The following FBN3 variants were observed in gnomAD, a reference collection of about 807,000 sequenced individuals.
The protein encoded by FBN3 is fibrillin 3, also known as fibrillin-3.
A neutral mutation model predicts 330.1 loss-of-function variants in FBN3; 234 were observed. That is an observed-to-expected ratio of 0.71 (90% confidence interval 0.64 to 0.79). The LOEUF is 0.79. Among genes scored for constraint, FBN3 ranks in the 30% least tolerant of loss-of-function variants. FBN3 has a pLI of 0.00. For synonymous variants in FBN3, 1,458 were observed against 1,517.3 expected (o/e 0.96, Z 0.91); for missense variants, 3,606 against 3,886.9 (o/e 0.93, Z 1.92).
chr19:8,099,276 A>ATTTTTTTTTTTTT (rs386388494), intron 41 of FBN3, among the ~76,000 whole-genome samples: 2 of 98,880 alleles, frequency 2.0e-5, no homozygotes, highest in African/African-American at 7.6e-5. Context: ...TCATGGTTTG[A>ATTTTTTTTTTTTT]TTTTTTTTTT....
chr19:8,126,237 G>A (rs778344723), intron 21 of FBN3, 60 bp downstream of exon 21: 17 of 1,536,498 alleles, frequency 1.1e-5, no homozygotes, highest in Non-Finnish European at 1.5e-5. Context: ...TGAGGGTGGT[G>A]CGCCTGGTTG....
At chr19:8,070,707 T>A (rs1312525704) in intron 63 of FBN3, among the ~76,000 whole-genome samples, 2 of 152,146 alleles carry the variant, frequency 1.3e-5, no homozygotes, top group African/African-American at 4.8e-5. Flanking sequence ...CCTCAGTTCC[T>A]CCATCTGTAA....
Position 8,103,625 on chromosome 19 carries a change from C to T in FBN3, c.4876G>A (p.Gly1626Arg), listed in dbSNP as rs1207987065. The T allele has an allele frequency of 6.2e-7, 1 of 1,613,512 alleles. No individual in the cohort carries two copies. Among genetic ancestry groups the T allele is most frequent in the Non-Finnish European group, 8.5e-7 (1 of 1,179,738 alleles). Residue 1626 changes from glycine (G) to arginine (R), a missense_variant, in exon 39 of 64, where the codon GGG (glycine) becomes AGG (arginine). Gly to Arg is a moderately radical substitution (Grantham distance 125). Transcript: ENST00000600128. ...CGPGTCYNTL[G>R]NYTCVCPAEY... Reference sequence around the variant, plus strand: ...GCAGGGCAGACACAGGTGTAGTTCCCCAGGGTGTTGTAGCAGGTGCCAGGG... The same window carrying T: ...GCAGGGCAGACACAGGTGTAGTTCCTCAGGGTGTTGTAGCAGGTGCCAGGG...
chr19:8,117,618 C>T, intron 26 of FBN3, 29 bp from the exon 27 acceptor site: 1 of 1,504,678 alleles, frequency 6.6e-7, no homozygotes, highest in East Asian at 2.5e-5. Context: ...GAAAGACGGG[C>T]CTGTGCCCCA....
chr19:8,074,849 A>T, intron 61 of FBN3: 1 of 522,960 alleles, frequency 1.9e-6, no homozygotes, highest in Non-Finnish European at 3.3e-6. Flanking sequence ...TGAGTCCTCC[A>T]GGCCACCATG....
intron 63 of FBN3, among the ~76,000 whole-genome samples, chr19:8,068,390 C>CA (rs71165268): frequency 0.29 from 39,600 of 137,096 alleles, 6,547 homozygotes; most frequent in East Asian, 0.5. Context: ...GACTCCGTCT[C>CA]AAAAAAAAAA....
intron 29 of FBN3, among the ~76,000 whole-genome samples, chr19:8,115,861 C>T (rs1404716262): frequency 6.6e-6 from 1 of 151,670 alleles, no homozygotes; most frequent in African/African-American, 2.4e-5. Context: ...GTGTACATTC[C>T]AAGGAACACA....
chr19:8,138,609 G>A lies in FBN3; in HGVS notation c.866-45C>T, dbSNP rs375707683. The A allele has an allele frequency of 1.0e-5, 16 of 1,534,674 alleles. No individual in the cohort carries two copies. In the African/African-American group the frequency reaches 1.8e-4, roughly 17 times the overall value. On this transcript the variant is annotated intron_variant, in intron 8 of 63. Transcript: ENST00000600128. The stretch of plus-strand genomic sequence containing the variant: ...GAGCCCATGAGCACAGGACATCAGT[G>A]ACCAGACCTGGATCCAAATTCCAGC...
intron 6 of FBN3, among the ~76,000 whole-genome samples, chr19:8,143,208 C>T (rs1369700726): frequency 6.6e-6 from 1 of 152,146 alleles, no homozygotes; most frequent in Non-Finnish European, 1.5e-5. Flanking sequence ...CACGGGGATC[C>T]TCAGCGGCAC....
intron 10 of FBN3, among the ~76,000 whole-genome samples, chr19:8,137,915 G>T (rs183719238): frequency 5.9e-5 from 9 of 152,060 alleles, no homozygotes; most frequent in African/African-American, 2.2e-4. Flanking sequence ...GGCATGAGTC[G>T]CTGTGTCCAG....
chr19:8,143,627 A>C (rs1330472437), intron 6 of FBN3, among the ~76,000 whole-genome samples: 1 of 150,760 alleles, frequency 6.6e-6, no homozygotes. Flanking sequence ...AGCTGGGACT[A>C]CAGGCACGCG....
In FBN3 at chr19:8,111,122, G is replaced by A. The variant is rs760898849; in HGVS notation, c.4146C>T (p.Pro1382=). 45 of 1,613,292 alleles carry A rather than the reference G, an allele frequency of 2.8e-5. No homozygotes were observed. Among genetic ancestry groups the A allele is most frequent in the East Asian group, 1.6e-4 (7 of 44,870 alleles). The change falls in exon 33 of 64, where the codon CCC becomes CCT. Residue 1382 remains proline (P), a synonymous_variant. Transcript: ENST00000600128. ...LCDNGQCLNA[P]GGYRCECEMG... Reference sequence around the variant, plus strand: ...TCTCACATTCACAGCGGTACCCGCCGGGCGCATTGAGGCACTGCCCGTTGT... The same window carrying A: ...TCTCACATTCACAGCGGTACCCGCCAGGCGCATTGAGGCACTGCCCGTTGT...
chr19:8,095,088 C>G (rs1458241819), intron 46 of FBN3, among the ~76,000 whole-genome samples: 3 of 152,264 alleles, frequency 2.0e-5, no homozygotes, highest in Middle Eastern at 3.4e-3. Flanking sequence ...TCTCCTGCCC[C>G]AGCCTCCTGA....
At position 8,141,829 on chromosome 19, in the gene FBN3, G is replaced by T. The variant is rs1237962797; in HGVS notation, c.753C>A (p.Cys251Ter). 1 of 1,614,176 alleles carries T rather than the reference G, an allele frequency of 6.2e-7. No homozygotes were observed. Among genetic ancestry groups the T allele is most frequent in the South Asian group, 1.1e-5 (1 of 91,078 alleles). Residue 251 changes from cysteine to a stop codon, truncating the protein, a stop_gained, in exon 8 of 64, where the codon TGC (cysteine) becomes TGA (stop). Transcript: ENST00000600128. LOFTEE classifies it high-confidence loss of function. ...HTGACQDVDE[C>*]QAVPGLCQGG... is the part of the protein sequence containing the mutation. Reference sequence around the variant, plus strand: ...CCTGGCACAGGCCTGGCACAGCCTGGCACTCATCCACATCTGCAAGGACAA... The same window carrying T: ...CCTGGCACAGGCCTGGCACAGCCTGTCACTCATCCACATCTGCAAGGACAA...
intron 38 of FBN3, 90 bp from the exon 39 acceptor site, chr19:8,103,777 T>A (rs761034624): frequency 9.0e-5 from 116 of 1,294,568 alleles, no homozygotes; most frequent in Admixed American, 2.7e-4. Flanking sequence ...CAAGGCCACT[T>A]CACCAGGGAC....
At chr19:8,138,025 C>T in intron 10 of FBN3, 116 bp downstream of exon 10, 2 of 1,234,692 alleles carry the variant, frequency 1.6e-6, no homozygotes, top group South Asian at 1.6e-5. Context: ...GTTCCCCCTC[C>T]AAAGCCCTAA....
chr19:8,077,963 G>T (rs1441571149), intron 59 of FBN3, among the ~76,000 whole-genome samples: 2 of 109,580 alleles, frequency 1.8e-5, no homozygotes, highest in Non-Finnish European at 3.6e-5. Context: ...TGTAGTCCTA[G>T]CTACTTGGGA....
chr19:8,141,840 C>T lies in FBN3; in HGVS notation c.742G>A (p.Val248Met). Reference sequence around the variant, plus strand: ...CCTGGCACAGCCTGGCACTCATCCACATCTGCAAGGACAAAGCCCGGCAGG... The same window carrying T: ...CCTGGCACAGCCTGGCACTCATCCATATCTGCAAGGACAAAGCCCGGCAGG... ...PNIHTGACQD[V>M]DECQAVPGLC... The change falls in exon 8 of 64, where the codon GTG (valine) becomes ATG (methionine). Residue 248 changes from valine (V) to methionine (M), a missense_variant and splice_region_variant. Physicochemically the swap from Val to Met is conservative, Grantham distance 21 (BLOSUM62 1). Coordinates refer to ENST00000600128, the MANE Select transcript of FBN3 (RefSeq NM_032447.5). 2 of 1,614,146 alleles carry T rather than the reference C, an allele frequency of 1.2e-6. No individual in the cohort carries two copies. The highest frequency in any genetic ancestry group is 1.7e-6 in the Non-Finnish European group (2 of 1,179,972).
intron 63 of FBN3, among the ~76,000 whole-genome samples, chr19:8,070,746 G>A (rs967148061): frequency 6.6e-6 from 1 of 152,100 alleles, no homozygotes; most frequent in African/African-American, 2.4e-5. Flanking sequence ...ATCTAGGCTG[G>A]GTGCAGTGCT....
Sources: gnomAD v4.1 joint callset for allele counts (sites outside exome capture counted in the v4.1 genomes callset) on GRCh38, gnomAD v4.1.1 for gene constraint, MANE v1.5 for transcripts, NCBI Gene and HGNC (gene_info 2026-07-23, HGNC 2026-07-21) for gene names.